The following STXBP5L variants were observed in gnomAD, a reference collection of about 807,000 sequenced individuals.
The protein encoded by STXBP5L is syntaxin binding protein 5L.
Under a neutral mutation model 144.5 loss-of-function variants are expected in STXBP5L, and 65 were observed. The ratio of observed to expected loss-of-function variants is 0.45; its 90% CI spans 0.37 to 0.55. The LOEUF (loss-of-function observed/expected upper bound fraction) is 0.55, where lower values mean the gene tolerates loss of function less well. Ranked by LOEUF, STXBP5L falls within the 20% of genes least tolerant of loss-of-function variation. The probability of loss-of-function intolerance (pLI) is 0.00; values close to 1 mark genes in which losing one functional copy is unlikely to be tolerated. For missense variants in STXBP5L, 1,298 were observed against 1,405.5 expected (o/e 0.92, Z 1.22); for synonymous variants, 505 against 469.6 (o/e 1.08, Z -0.97).
chr3:121,280,753 TAA>T (rs1156309934), intron 19 of STXBP5L, among the ~76,000 whole-genome samples: 1 of 151,784 alleles, frequency 6.6e-6, no homozygotes, highest in African/African-American at 2.4e-5. Context: ...TCTATAATAT[TAA>T]GTGTTATTTT....
At chr3:120,946,392 A>G (rs1576462243) in intron 2 of STXBP5L, among the ~76,000 whole-genome samples, 1 of 151,782 alleles carries the variant, frequency 6.6e-6, no homozygotes, top group East Asian at 1.9e-4. Context: ...CTATTTTCCA[A>G]TCAGTCAGAA....
chr3:121,036,392 C>A (rs527361614), intron 3 of STXBP5L, among the ~76,000 whole-genome samples: 3 of 152,208 alleles, frequency 2.0e-5, no homozygotes, highest in East Asian at 1.9e-4. Flanking sequence ...TATTTTATGG[C>A]TTTCTTATGG....
At chr3:120,971,142 A>C (rs887113526) in intron 3 of STXBP5L, among the ~76,000 whole-genome samples, 40 of 152,164 alleles carry the variant, frequency 2.6e-4, no homozygotes, top group African/African-American at 8.9e-4. Flanking sequence ...GGGCATTGGG[A>C]AAAATCTGGT....
chr3:121,068,474 G>A (rs2041653407), intron 5 of STXBP5L, among the ~76,000 whole-genome samples: 2 of 151,832 alleles, frequency 1.3e-5, no homozygotes, highest in South Asian at 2.1e-4. Flanking sequence ...ACATTAATAT[G>A]TATTTTTTCA....
intron 20 of STXBP5L, among the ~76,000 whole-genome samples, chr3:121,328,004 G>A (rs1384573182): frequency 1.3e-5 from 2 of 152,290 alleles, no homozygotes; most frequent in African/African-American, 2.4e-5. Flanking sequence ...TGTGACTTAA[G>A]GAGATTTTTA....
chr3:120,945,993 A>G (rs879807935), intron 2 of STXBP5L, among the ~76,000 whole-genome samples: 1 of 151,822 alleles, frequency 6.6e-6, no homozygotes, highest in Admixed American at 6.6e-5. Context: ...CACAGCATGA[A>G]CCATTAATAT....
At chr3:121,076,413 A>G (rs1414570881) in intron 5 of STXBP5L, among the ~76,000 whole-genome samples, 3 of 151,696 alleles carry the variant, frequency 2.0e-5, no homozygotes, top group African/African-American at 4.8e-5. Context: ...TGCTTTTTCT[A>G]TGACTCCTTT....
intron 19 of STXBP5L, among the ~76,000 whole-genome samples, chr3:121,305,810 A>C (rs1456279164): frequency 6.6e-6 from 1 of 152,174 alleles, no homozygotes; most frequent in Non-Finnish European, 1.5e-5. Context: ...CAAGATTAAA[A>C]AATTATATGC....
At chr3:121,004,379 G>T (rs1467900695) in intron 3 of STXBP5L, among the ~76,000 whole-genome samples, 1 of 152,046 alleles carries the variant, frequency 6.6e-6, no homozygotes, top group Non-Finnish European at 1.5e-5. Context: ...AAGAATGCCT[G>T]TGATTTTTGC....
At chr3:121,049,161 G>C (rs1034775180) in intron 5 of STXBP5L, among the ~76,000 whole-genome samples, 1 of 152,300 alleles carries the variant, frequency 6.6e-6, no homozygotes, top group African/African-American at 2.4e-5. Flanking sequence ...GTAGAAAACA[G>C]TCTGCTGCTT....
Position 121,419,204 on chromosome 3 carries a change from T to C in STXBP5L, c.*107T>C. 9.0e-7 allele frequency: 1 copy of C among 1,105,878 alleles called. No individual in the cohort carries two copies. The highest frequency in any genetic ancestry group is 1.3e-6 in the Non-Finnish European group (1 of 767,872). 68.5% of individuals were successfully genotyped at this position (1,105,878 alleles called of 1,614,324 possible). ...GAAGCCAGTTTCTTCTACAAAATGTTCCATTTACAGTCAATCTGAAATTTT... is the reference window on the plus strand; with the variant it reads ...GAAGCCAGTTTCTTCTACAAAATGTCCCATTTACAGTCAATCTGAAATTTT... On this transcript the variant is annotated 3_prime_UTR_variant, in exon 27 of 27. Transcript: ENST00000471454.
intron 14 of STXBP5L, among the ~76,000 whole-genome samples, chr3:121,244,234 AC>A (rs779383049): frequency 4.6e-5 from 7 of 152,088 alleles, no homozygotes; most frequent in South Asian, 2.1e-4. Flanking sequence ...TTAAAAAAAA[AC>A]AATTCTAGAT....
intron 9 of STXBP5L, among the ~76,000 whole-genome samples, chr3:121,204,074 C>T (rs1432390402): frequency 2.0e-5 from 3 of 152,042 alleles, no homozygotes; most frequent in Non-Finnish European, 2.9e-5. Flanking sequence ...TCTGTCTCTA[C>T]TAAAAATACA....
intron 20 of STXBP5L, among the ~76,000 whole-genome samples, chr3:121,320,095 G>A (rs951371921): frequency 3.3e-5 from 5 of 152,000 alleles, no homozygotes; most frequent in Non-Finnish European, 7.4e-5. Context: ...TGATTTCACT[G>A]GATCTATAGA....
chr3:120,970,756 C>T (rs1482893727), intron 3 of STXBP5L, among the ~76,000 whole-genome samples: 1 of 152,114 alleles, frequency 6.6e-6, no homozygotes, highest in Admixed American at 6.6e-5. Flanking sequence ...TTTACATGTG[C>T]TTTCCAGGTC....
intron 7 of STXBP5L, among the ~76,000 whole-genome samples, chr3:121,126,578 A>G (rs541336568): frequency 9.2e-5 from 14 of 152,302 alleles, no homozygotes; most frequent in African/African-American, 3.4e-4. Context: ...ATAAAGGGAG[A>G]TAAAGTAGTC....
intron 15 of STXBP5L, among the ~76,000 whole-genome samples, chr3:121,253,003 T>G (rs2050077764): frequency 6.6e-6 from 1 of 152,124 alleles, no homozygotes; most frequent in Admixed American, 6.5e-5. Flanking sequence ...AGTCCCTCTT[T>G]TAAGGGGGCC....
intron 5 of STXBP5L, among the ~76,000 whole-genome samples, chr3:121,050,019 G>A (rs73187501): frequency 0.036 from 5,407 of 152,222 alleles, 146 homozygotes; most frequent in Middle Eastern, 0.082. Context: ...TCCCTGTGAT[G>A]TGAGGACTCC....
At chr3:121,057,421 T>TATTTAG (rs1400242280) in intron 5 of STXBP5L, among the ~76,000 whole-genome samples, 10 of 152,082 alleles carry the variant, frequency 6.6e-5, no homozygotes, top group Non-Finnish European at 1.5e-4. Flanking sequence ...ACTTTGCCGT[T>TATTTAG]GTGTAACAAA....
Sources: gnomAD v4.1 joint callset for allele counts (sites outside exome capture counted in the v4.1 genomes callset) on GRCh38, gnomAD v4.1.1 for gene constraint, MANE v1.5 for transcripts, NCBI Gene and HGNC (gene_info 2026-07-23, HGNC 2026-07-21) for gene names.